The following MKI67 variants were observed in gnomAD, a reference collection of about 807,000 sequenced individuals.
MKI67 encodes proliferation marker protein Ki-67.
MKI67 carries 152 observed loss-of-function variants against 233.5 expected under a neutral mutation model. The observed-to-expected ratio is 0.65, with a 90% CI of 0.57 to 0.74. MKI67 has a LOEUF of 0.74. Ranked by LOEUF, MKI67 falls within the 30% of genes least tolerant of loss-of-function variation. The pLI is 0.00. For missense variants in MKI67, 3,940 were observed against 3,885.2 expected, an observed-to-expected ratio of 1.01 and a Z score of -0.37; for synonymous variants, 1,465 against 1,418.5, an observed-to-expected ratio of 1.03 and a Z score of -0.74.
Position 128,109,275 on chromosome 10 carries a change from C to G in MKI67, c.2565G>C (p.Glu855Asp). ...PRNTYKMTSL[E>D]TKTSDTETEP... ...CTGTCTCAGTATCTGAAGTTTTTGT[C>G]TCCAGAGAAGTCATTTTGTAGGTGT... is the stretch of plus-strand genomic sequence containing the variant. The change falls in exon 13 of 15, where the codon GAG becomes GAC. Residue 855 changes from glutamate to aspartate, a missense_variant. Transcript: ENST00000368654. 1 of 1,614,144 alleles carries G rather than the reference C, an allele frequency of 6.2e-7. No homozygotes were observed. Among genetic ancestry groups the G allele is most frequent in the South Asian group, 1.1e-5 (1 of 91,084 alleles).
At chr10:128,120,363 G>T (rs1184914572) in intron 4 of MKI67, among the ~76,000 whole-genome samples, 1 of 151,924 alleles carries the variant, frequency 6.6e-6, no homozygotes, top group African/African-American at 2.4e-5. Flanking sequence ...GTTGTGGCGC[G>T]TGCCTGTAAT....
At chr10:128,102,520 C>T in intron 13 of MKI67, 59 bp downstream of exon 13, 1 of 1,568,238 alleles carries the variant, frequency 6.4e-7, no homozygotes, top group South Asian at 1.2e-5. Flanking sequence ...CAAAGTATAA[C>T]ACAGAAATTC....
In MKI67 at chr10:128,108,398, T is replaced by A; in HGVS notation, c.3442A>T (p.Lys1148Ter). 5 of 1,614,200 alleles carry A rather than the reference T, an allele frequency of 3.1e-6. No homozygotes were observed. Among genetic ancestry groups the A allele is most frequent in the Non-Finnish European group, 4.2e-6 (5 of 1,180,032 alleles). Residue 1148 changes from lysine to a stop codon, truncating the protein, a stop_gained, in exon 13 of 15, where the codon AAG becomes TAG. Transcript: ENST00000368654. LOFTEE classifies it high-confidence loss of function. ...ACATCTGCTTTCCTGAGACTTCTCTTAGGCCATTGCTTTGTGCTTGTTGGA... is the reference window on the plus strand; with the variant it reads ...ACATCTGCTTTCCTGAGACTTCTCTAAGGCCATTGCTTTGTGCTTGTTGGA... ...DTPTSTKQWP[K>*]RSLRKADVEE...
chr10:128,110,639 T>G, intron 11 of MKI67, 106 bp from the exon 12 acceptor site: 1 of 778,678 alleles, frequency 1.3e-6, no homozygotes, highest in Non-Finnish European at 2.0e-6. Flanking sequence ...AACAGTAGAT[T>G]CCTCCCTTGA....
At chr10:128,111,571 T>G (rs1852674753) in intron 11 of MKI67, 74 bp downstream of exon 11, 1 of 1,305,676 alleles carries the variant, frequency 7.7e-7, no homozygotes, top group African/African-American at 1.5e-5. Context: ...TAAACAAAGT[T>G]AGCAAAACAA....
Position 128,099,163 on chromosome 10 carries a change from T to C in MKI67, c.*27A>G. 1 of 1,570,502 alleles carries C rather than the reference T, an allele frequency of 6.4e-7. No individual in the cohort carries two copies. ...GAACTTATCACAAAACTAACTTTAT[T>C]ATATTTTTCCCAGTTCGATTTTTCT... is the stretch of plus-strand genomic sequence containing the variant. On this transcript the variant is annotated 3_prime_UTR_variant, in exon 15 of 15. Coordinates refer to ENST00000368654, the MANE Select transcript of MKI67 (RefSeq NM_002417.5).
intron 14 of MKI67, 68 bp downstream of exon 14, chr10:128,101,190 A>C: frequency 1.3e-6 from 2 of 1,520,056 alleles, no homozygotes; most frequent in Non-Finnish European, 1.8e-6. Context: ...TTGCCTTTGC[A>C]ACCTTGGGCA....
rs776910729 is a variant in MKI67, at chr10:128,099,219, T to C, written c.9742A>G (p.Arg3248Gly). Residue 3248 changes from arginine to glycine, a missense_variant, in exon 15 of 15, where the codon AGA becomes GGA. By Grantham distance (125) the Arg-to-Gly change is moderately radical. Transcript: ENST00000368654. ...ATATCTTCACTGTCCCTATGACTTC[T>C]GGTTCTTATTTTCTTGACACACACA... ...DNVCVKKIRTRSHRDSEDI is the reference protein window; with the variant it reads ...DNVCVKKIRTGSHRDSEDI 2.5e-6 allele frequency: 4 copies of C among 1,613,670 alleles called. No homozygotes were observed. In the Admixed American group the frequency reaches 5.0e-5, roughly 20 times the overall value.
In MKI67 at chr10:128,115,520, A is replaced by G. The variant is rs1339940472; in HGVS notation, c.888T>C (p.Ser296=). Residue 296 remains serine (S), a synonymous_variant, in exon 7 of 15, where the codon TCT becomes TCC. Coordinates refer to ENST00000368654, the MANE Select transcript of MKI67 (RefSeq NM_002417.5). ...LLVSRKSRPK[S]GGSGHAVAEP... is the part of the protein sequence containing the mutation. ...CTGCCACAGCGTGGCCGCTCCCACC[A>G]GATTTTGGTCTTGACTTACGCGAGA... is the stretch of plus-strand genomic sequence containing the variant. The G allele has an allele frequency of 1.9e-6, 3 of 1,614,088 alleles. No homozygotes were observed. The highest frequency in any genetic ancestry group is 2.5e-6 in the Non-Finnish European group (3 of 1,180,054).
At chr10:128,121,075 A>G (rs1165767587) in intron 4 of MKI67, among the ~76,000 whole-genome samples, 1 of 152,044 alleles carries the variant, frequency 6.6e-6, no homozygotes, top group Non-Finnish European at 1.5e-5. Flanking sequence ...CATCCAAAGG[A>G]AACATTAAGC....
In MKI67 at chr10:128,102,969, T is replaced by G. The variant is rs776183650; in HGVS notation, c.8871A>C (p.Lys2957Asn). ...GGGCCCGAAGAACTCTTCTGGATAT[T>G]TTTAGAGGTTTTCCACTGTCAGGTG... ...KQTPDSGKPL[K>N]ISRRVLRAPK... Residue 2957 changes from lysine (K) to asparagine (N), a missense_variant, in exon 13 of 15, where the codon AAA becomes AAC. Coordinates refer to ENST00000368654, the MANE Select transcript of MKI67 (RefSeq NM_002417.5). 1.2e-6 allele frequency: 2 copies of G among 1,614,200 alleles called. No homozygotes were observed. The highest frequency in any genetic ancestry group is 1.7e-6 in the Non-Finnish European group (2 of 1,180,040).
rs1321542759 is a variant in MKI67, at chr10:128,111,955, T to C, written c.2060A>G (p.Lys687Arg). ...IKHGPQRSMN[K>R]RQRRPATPKK... ...TGGAGTAGCAGGTCTTCTTTGCCTT[T>C]TGTTCATTGACCTTTGAGGACCATG... The change falls in exon 10 of 15, where the codon AAA (lysine) becomes AGA (arginine). Residue 687 changes from lysine to arginine, a missense_variant. Physicochemically the swap from Lys to Arg is conservative, Grantham distance 26. Transcript: ENST00000368654. 6.2e-7 allele frequency: 1 copy of C among 1,612,746 alleles called. No individual in the cohort carries two copies. Among genetic ancestry groups the C allele is most frequent in the Non-Finnish European group, 8.5e-7 (1 of 1,179,678 alleles).
chr10:128,106,761 G>T lies in MKI67; in HGVS notation c.5079C>A (p.Ser1693Arg). ...CCTTAGGAGTTCTCAGCTGCCTCTT[G>T]CTGCCAGTTAGACTTGCTGCTGAGT... ...ILDSAASLTG[S>R]KRQLRTPKGK... is the part of the protein sequence containing the mutation. Residue 1693 changes from serine to arginine, a missense_variant, in exon 13 of 15, where the codon AGC (serine) becomes AGA (arginine). Transcript: ENST00000368654. 1 of 1,614,074 alleles carries T rather than the reference G, an allele frequency of 6.2e-7. No individual in the cohort carries two copies. Among genetic ancestry groups the T allele is most frequent in the Non-Finnish European group, 8.5e-7 (1 of 1,180,040 alleles).
chr10:128,107,420 A>C lies in MKI67; in HGVS notation c.4420T>G (p.Phe1474Val). 1 of 1,613,706 alleles carries C rather than the reference A, an allele frequency of 6.2e-7. No individual in the cohort carries two copies. Among genetic ancestry groups the C allele is most frequent in the Non-Finnish European group, 8.5e-7 (1 of 1,179,926 alleles). Residue 1474 changes from phenylalanine to valine, a missense_variant, in exon 13 of 15, where the codon TTC (phenylalanine) becomes GTC (valine). Phe to Val is a conservative substitution (Grantham distance 50, BLOSUM62 -1). Coordinates refer to ENST00000368654, the MANE Select transcript of MKI67 (RefSeq NM_002417.5). ...LEDLAGLKEL[F>V]QTPVCTDKPT... ...TTGTCAGTGCATACTGGTGTCTGGA[A>C]GAGCTCTTTCAAGCCAGCCAGGTCT...
At position 128,115,762 on chromosome 10, in the gene MKI67, C is replaced by T; in HGVS notation, c.646G>A (p.Gly216Arg). Reference protein sequence around the residue: ...ISSVKLVSRYGELKSVPTTQC... With the variant: ...ISSVKLVSRYRELKSVPTTQC... ...GTAGTGGGAACAGACTTCAATTCTC[C>T]ATAACGGCTCACTAATTTAACGCTG... is the stretch of plus-strand genomic sequence containing the variant. The change falls in exon 7 of 15, where the codon GGA becomes AGA. Residue 216 changes from glycine (G) to arginine (R), a missense_variant. Gly to Arg is a moderately radical substitution (Grantham distance 125). Transcript: ENST00000368654. 1.9e-6 allele frequency: 3 copies of T among 1,613,294 alleles called. No individual in the cohort carries two copies. Among genetic ancestry groups the T allele is most frequent in the Non-Finnish European group, 2.5e-6 (3 of 1,180,044 alleles).
chr10:128,113,017 C>T (rs780440435), intron 8 of MKI67, among the ~76,000 whole-genome samples: 4 of 152,222 alleles, frequency 2.6e-5, no homozygotes, highest in Non-Finnish European at 5.9e-5. Context: ...GATTTTCCTT[C>T]ACACCAGGTA....
At chr10:128,111,608 G>A (rs2136141459) in intron 11 of MKI67, 37 bp downstream of exon 11, 1 of 1,541,668 alleles carries the variant, frequency 6.5e-7, no homozygotes. Context: ...AAACAGTAGA[G>A]TCAAAAGATT....
chr10:128,099,323 C>A, intron 14 of MKI67, 68 bp from the exon 15 acceptor site: 1 of 1,245,364 alleles, frequency 8.0e-7, no homozygotes, highest in Admixed American at 2.0e-5. Context: ...TCGACCTCCT[C>A]TGCAAAACCC....
Position 128,116,479 on chromosome 10 carries a change from A to G in MKI67, c.400+12T>C. ...TTTCAGGATTCTGGAACAAAACCCA[A>G]CCACTACTCACCAGGGTCAGAAGAG... is the stretch of plus-strand genomic sequence containing the variant. On this transcript the variant is annotated intron_variant, in intron 6 of 14. Coordinates refer to ENST00000368654, the MANE Select transcript of MKI67 (RefSeq NM_002417.5). 1 of 1,613,212 alleles carries G rather than the reference A, an allele frequency of 6.2e-7. No individual in the cohort carries two copies. The highest frequency in any genetic ancestry group is 8.5e-7 in the Non-Finnish European group (1 of 1,179,156).
Sources: gnomAD v4.1 joint callset for allele counts (sites outside exome capture counted in the v4.1 genomes callset) on GRCh38, gnomAD v4.1.1 for gene constraint, MANE v1.5 for transcripts, NCBI Gene and HGNC (gene_info 2026-07-23, HGNC 2026-07-21) for gene names.